The following CELF2 variants were observed in gnomAD, a reference collection of about 807,000 sequenced individuals.
CELF2 encodes CUGBP Elav-like family member 2, also known as CUG triplet repeat RNA-binding protein 2.
In CELF2, 8 loss-of-function variants were observed where a neutral mutation model predicts 62.6. The ratio of observed to expected loss-of-function variants is 0.13; its 90% CI spans 0.07 to 0.23. CELF2 has a LOEUF of 0.23. CELF2 is among the 10% of genes least tolerant of loss of function. The pLI is 1.00. For synonymous variants in CELF2, 258 were observed against 250.0 expected (o/e 1.03, Z -0.30); for missense variants, 333 against 671.0 (o/e 0.50, Z 5.56).
chr10:10,600,813 G>A, the CELF2 span, among the ~76,000 whole-genome samples: 2 of 152,160 alleles, frequency 1.3e-5, no homozygotes, highest in East Asian at 1.9e-4. Context: ...ACCACTGTGA[G>A]CAATCTATTT....
chr10:11,069,323 A>G (rs2069067256), intron 1 of CELF2, among the ~76,000 whole-genome samples: 1 of 152,254 alleles, frequency 6.6e-6, no homozygotes, highest in Non-Finnish European at 1.5e-5. Context: ...GCCAAAAGAC[A>G]GAAGCTCTCT....
the CELF2 span, among the ~76,000 whole-genome samples, chr10:10,678,384 A>G: frequency 6.6e-6 from 1 of 152,152 alleles, no homozygotes; most frequent in South Asian, 2.1e-4. Context: ...CTAAAGTTCA[A>G]TGATCTGGCT....
intron 8 of CELF2, among the ~76,000 whole-genome samples, chr10:11,284,145 G>A (rs371878112): frequency 2.9e-5 from 4 of 136,734 alleles, no homozygotes; most frequent in Admixed American, 7.4e-5. Context: ...GTGTGTGGTG[G>A]GTGGATGAGG....
chr10:11,257,641 C>T, intron 4 of CELF2, 97 bp from the exon 5 acceptor site: 1 of 1,401,244 alleles, frequency 7.1e-7, no homozygotes, highest in Non-Finnish European at 9.6e-7. Context: ...TGCTTGGTCT[C>T]ACATGGCTGG....
intron 2 of CELF2, among the ~76,000 whole-genome samples, chr10:11,192,226 C>G (rs1185720192): frequency 6.6e-6 from 1 of 152,170 alleles, no homozygotes; most frequent in East Asian, 1.9e-4. Flanking sequence ...TCAAGAGGCG[C>G]AGAGGAAACT....
the CELF2 span, among the ~76,000 whole-genome samples, chr10:10,740,694 T>C: frequency 1.3e-5 from 2 of 152,158 alleles, no homozygotes; most frequent in Non-Finnish European, 2.9e-5. Context: ...GTTGAATAAA[T>C]GGATAAAGAA....
chr10:11,150,040 A>G (rs1049043010), intron 1 of CELF2, among the ~76,000 whole-genome samples: 9 of 152,180 alleles, frequency 5.9e-5, no homozygotes, highest in Admixed American at 3.9e-4. Context: ...TTTTGTAGTA[A>G]TATGGGTTGT....
chr10:10,483,858 C>A, the CELF2 span, among the ~76,000 whole-genome samples: 1 of 151,354 alleles, frequency 6.6e-6, no homozygotes, highest in Non-Finnish European at 1.5e-5. Context: ...TGCCTGCCTG[C>A]CTTCCTTCCT....
the CELF2 span, among the ~76,000 whole-genome samples, chr10:10,644,531 C>G: frequency 6.6e-6 from 1 of 152,082 alleles, no homozygotes; most frequent in Non-Finnish European, 1.5e-5. Flanking sequence ...CACACTGAAC[C>G]AAACCCTGTG....
the CELF2 span, among the ~76,000 whole-genome samples, chr10:10,612,684 T>C: frequency 6.6e-6 from 1 of 152,200 alleles, no homozygotes; most frequent in African/African-American, 2.4e-5. Flanking sequence ...CCTTTCTTTC[T>C]GCTAATCCTG....
chr10:11,082,336 C>T (rs2141454917), intron 1 of CELF2, among the ~76,000 whole-genome samples: 1 of 152,324 alleles, frequency 6.6e-6, no homozygotes, highest in South Asian at 2.1e-4. Flanking sequence ...TAAGGATGAG[C>T]TGTATGACCT....
At chr10:11,084,436 ATTAGAG>A (rs1197372928) in intron 1 of CELF2, among the ~76,000 whole-genome samples, 6 of 152,216 alleles carry the variant, frequency 3.9e-5, no homozygotes, top group African/African-American at 1.4e-4. Context: ...AAAATGCTAC[ATTAGAG>A]TTAAACAGGC....
the CELF2 span, among the ~76,000 whole-genome samples, chr10:10,611,891 TAGGGAG>T: frequency 6.6e-6 from 1 of 152,330 alleles, no homozygotes; most frequent in East Asian, 1.9e-4. Flanking sequence ...CCTTTATTAC[TAGGGAG>T]AGGGAGGAGG....
the CELF2 span, among the ~76,000 whole-genome samples, chr10:10,701,881 A>C: frequency 6.6e-6 from 1 of 152,230 alleles, no homozygotes; most frequent in South Asian, 2.1e-4. Flanking sequence ...ACCTTTGCCC[A>C]AGAAATACTG....
chr10:11,272,401 T>C (rs1166649566), intron 7 of CELF2, among the ~76,000 whole-genome samples: 1 of 152,274 alleles, frequency 6.6e-6, no homozygotes, highest in Non-Finnish European at 1.5e-5. Flanking sequence ...TCGATTGGTT[T>C]AATTCTGTGT....
intron 1 of CELF2, among the ~76,000 whole-genome samples, chr10:11,093,732 A>G (rs2048984232): frequency 6.6e-6 from 1 of 152,194 alleles, no homozygotes; most frequent in Non-Finnish European, 1.5e-5. Context: ...TGAATCAGCC[A>G]GTCAATTCCG....
chr10:11,049,103 C>G (rs1388406883), intron 1 of CELF2, among the ~76,000 whole-genome samples: 1 of 145,548 alleles, frequency 6.9e-6, no homozygotes, highest in African/African-American at 2.6e-5. Flanking sequence ...CTTATGTAAC[C>G]TTGAACAAAC....
chr10:10,958,376 G>A (rs62209), intron 2 of CELF2, among the ~76,000 whole-genome samples: 1 of 151,946 alleles, frequency 6.6e-6, no homozygotes, highest in African/African-American at 2.4e-5. Flanking sequence ...GTCAGGGAGA[G>A]GGAAGTGAGA....
At position 11,319,538 on chromosome 10, in the gene CELF2, T is replaced by G. The variant is rs1478350364; in HGVS notation, c.1097-1651T>G. ...TTACTTGCATGACCCAAAGAAAACA[T>G]TAATGAAAATCTCAATGATTTTCAT... is the stretch of plus-strand genomic sequence containing the variant. On this transcript the variant is annotated intron_variant, in intron 10 of 12. Coordinates refer to ENST00000633077, the MANE Select transcript of CELF2 (RefSeq NM_001326342.2). This position sits in a 1 kb window ranked among gnomAD's most constrained non-coding sequence, Gnocchi z 4.4. Among the ~76,000 whole-genome samples the G allele has an allele frequency of 7.2e-5, 11 of 152,104 alleles. No homozygotes were observed. The highest frequency in any genetic ancestry group is 2.9e-5 in the Non-Finnish European group (2 of 67,998).
Sources: gnomAD v4.1 joint callset for allele counts (sites outside exome capture counted in the v4.1 genomes callset) on GRCh38, gnomAD v4.1.1 for gene constraint, Gnocchi (gnomAD v3.1) non-coding constraint, MANE v1.5 for transcripts, NCBI Gene and HGNC (gene_info 2026-07-23, HGNC 2026-07-21) for gene names.